The following ECT2 variants were observed in gnomAD, a reference collection of about 807,000 sequenced individuals.
ECT2 encodes protein ECT2.
Under a neutral mutation model 116.9 loss-of-function variants are expected in ECT2, and 61 were observed. The ratio of observed to expected loss-of-function variants is 0.52; its 90% CI spans 0.42 to 0.65. ECT2 has a LOEUF of 0.65. Ranked by LOEUF, ECT2 falls within the 30% of genes least tolerant of loss-of-function variation. The pLI, the probability that ECT2 is intolerant of heterozygous loss-of-function variation, is 0.00. For missense variants in ECT2, 937 were observed against 1,078.7 expected, an observed-to-expected ratio of 0.87 and a Z score of 1.84; for synonymous variants, 358 against 346.4, an observed-to-expected ratio of 1.03 and a Z score of -0.37.
At chr3:172,758,488 C>CACACACACACAG (rs1293496515) in intron 5 of ECT2, among the ~76,000 whole-genome samples, 4 of 151,072 alleles carry the variant, frequency 2.6e-5, no homozygotes, top group African/African-American at 9.7e-5. Context: ...CACACACAGA[C>CACACACACACAG]ACACACACAC....
chr3:172,826,719 A>G, the ECT2 span, among the ~76,000 whole-genome samples: 3 of 152,156 alleles, frequency 2.0e-5, no homozygotes, highest in African/African-American at 7.2e-5. Context: ...CTGCCTCCCA[A>G]CCTTCAGCAA....
chr3:172,755,542 G>T lies in ECT2; in HGVS notation c.270G>T (p.Ser90=), dbSNP rs1218863605. The change falls in exon 4 of 25, where the codon TCG becomes TCT. Residue 90 remains serine (S), a synonymous_variant. Transcript: ENST00000392692. ...TAAAAGAAAGTTGTCCTGGAAAATC[G>T]GATGAAAAATTAATAAAAAGTGTTA... The part of the protein sequence containing the change: ...IKIKESCPGK[S]DEKLIKSVIN... 2 of 1,491,106 alleles carry T rather than the reference G, an allele frequency of 1.3e-6. No homozygotes were observed. The highest frequency in any genetic ancestry group is 2.5e-5 in the East Asian group (1 of 40,504). The allele number at this position is 1,491,106 out of a possible 1,614,324, so 92.4% of individuals were successfully genotyped here.
In ECT2 at chr3:172,760,357, TAAAG is replaced by T. The variant is rs372445614; in HGVS notation, c.684+97_684+100del. ...GTCTTTTATCTATTTCTTTCACAAT[TAAAG>T]AAGAGAAACTCAATTTTTGCTATGA... On this transcript the variant is annotated intron_variant, in intron 7 of 24. Coordinates refer to ENST00000392692, the MANE Select transcript of ECT2 (RefSeq NM_001258315.2). 16,832 of 646,156 alleles carry T rather than the reference TAAAG, an allele frequency of 0.026. 2,273 individuals are homozygous for T. The African/African-American group carries it at 0.29, about 11-fold the overall frequency. 40.0% of individuals were successfully genotyped at this position (646,156 alleles called of 1,614,324 possible).
chr3:172,783,752 G>T (rs540268385), intron 15 of ECT2, 47 bp from the exon 16 acceptor site: 2 of 1,218,702 alleles, frequency 1.6e-6, no homozygotes, highest in African/African-American at 1.5e-5. Flanking sequence ...TGTCTCTAAG[G>T]GTGACAAATG....
chr3:172,788,995 T>G (rs1724116624), intron 18 of ECT2, among the ~76,000 whole-genome samples: 1 of 150,146 alleles, frequency 6.7e-6, no homozygotes, highest in African/African-American at 2.5e-5. Flanking sequence ...GATGTGGAGG[T>G]TGCAGTGAGC....
At chr3:172,778,002 T>C (rs1722044063) in intron 14 of ECT2, among the ~76,000 whole-genome samples, 1 of 152,234 alleles carries the variant, frequency 6.6e-6, no homozygotes, top group Admixed American at 6.5e-5. Context: ...AAAAGAATTG[T>C]GTACTTGTTT....
chr3:172,824,768 A>C (rs768874299), downstream of ECT2, among the ~76,000 whole-genome samples: 2 of 152,106 alleles, frequency 1.3e-5, no homozygotes, highest in African/African-American at 2.4e-5. Flanking sequence ...AGTGGACTCT[A>C]TTTTATTCAC....
chr3:172,817,995 A>G (rs1484902431), intron 24 of ECT2, among the ~76,000 whole-genome samples: 3 of 152,156 alleles, frequency 2.0e-5, no homozygotes, highest in East Asian at 3.8e-4. Context: ...TTAAGTAGTT[A>G]TAAGGATTAA....
intron 14 of ECT2, among the ~76,000 whole-genome samples, chr3:172,779,773 A>G (rs1352786615): frequency 2.0e-5 from 3 of 152,122 alleles, no homozygotes; most frequent in Non-Finnish European, 4.4e-5. Flanking sequence ...GTGGTGGCAC[A>G]TGCCAGTAGT....
intron 12 of ECT2, among the ~76,000 whole-genome samples, chr3:172,764,735 T>C (rs1718998395): frequency 6.6e-6 from 1 of 152,250 alleles, no homozygotes; most frequent in Non-Finnish European, 1.5e-5. Flanking sequence ...GATTTTATTA[T>C]TCCTGTTTTA....
At chr3:172,765,157 A>G (rs941098374) in intron 12 of ECT2, among the ~76,000 whole-genome samples, 1 of 152,210 alleles carries the variant, frequency 6.6e-6, no homozygotes, top group African/African-American at 2.4e-5. Flanking sequence ...TGTCCTTTCA[A>G]CGCATTCCAA....
chr3:172,825,915 G>T (rs1378562451), downstream of ECT2, among the ~76,000 whole-genome samples: 1 of 152,152 alleles, frequency 6.6e-6, no homozygotes, highest in African/African-American at 2.4e-5. Flanking sequence ...TTTTCTTTGA[G>T]ATGGAGTTTC....
chr3:172,773,818 T>C, intron 13 of ECT2, 85 bp from the exon 14 acceptor site: 2 of 1,332,506 alleles, frequency 1.5e-6, no homozygotes, highest in Non-Finnish European at 2.1e-6. Flanking sequence ...TCTATTAATA[T>C]CTTGTGTCTC....
At chr3:172,758,843 T>G (rs1448827841) in intron 5 of ECT2, 137 bp from the exon 6 acceptor site, 1 of 707,216 alleles carries the variant, frequency 1.4e-6, no homozygotes, top group Non-Finnish European at 2.3e-6. Flanking sequence ...TGTTGCATAT[T>G]GAAAAAATGC....
chr3:172,762,848 T>G, intron 10 of ECT2, 42 bp downstream of exon 10: 3 of 1,610,010 alleles, frequency 1.9e-6, no homozygotes, highest in Non-Finnish European at 2.5e-6. Flanking sequence ...AAAACACTAT[T>G]AATAGCTTCT....
chr3:172,762,478 G>A lies in ECT2; in HGVS notation c.821G>A (p.Cys274Tyr). The A allele has an allele frequency of 6.3e-7, 1 of 1,598,164 alleles. No individual in the cohort carries two copies. The highest frequency in any genetic ancestry group is 1.1e-5 in the South Asian group (1 of 88,358). Reference sequence around the variant, plus strand: ...TTTAAAGTTCCTCCATTTCAAGATTGTATTTTAAGTTTCCTGGGATTTTCA... The same window carrying A: ...TTTAAAGTTCCTCCATTTCAAGATTATATTTTAAGTTTCCTGGGATTTTCA... ...NEFKVPPFQD[C>Y]ILSFLGFSDE... The change falls in exon 9 of 25, where the codon TGT becomes TAT. Residue 274 changes from cysteine to tyrosine, a missense_variant. By Grantham distance (194) the Cys-to-Tyr change is radical. Coordinates refer to ENST00000392692, the MANE Select transcript of ECT2 (RefSeq NM_001258315.2).
rs1018943248 is a variant in ECT2 at position 172,802,524 on chromosome 3, A to G, written c.1908-92A>G. The G allele has an allele frequency of 5.4e-6, 4 of 738,924 alleles. No individual in the cohort carries two copies. In the African/African-American group the frequency reaches 5.5e-5, roughly 10 times the overall value. 45.8% of individuals were successfully genotyped at this position (738,924 alleles called of 1,614,324 possible). The stretch of plus-strand genomic sequence containing the variant: ...TAACTGATTCACTTATCAAAATAAG[A>G]CATTCACATCAAACACAACTTGTGA... On this transcript the variant is annotated intron_variant, in intron 18 of 24. Coordinates refer to ENST00000392692, the MANE Select transcript of ECT2 (RefSeq NM_001258315.2).
At position 172,769,017 on chromosome 3, in the gene ECT2, G is replaced by A. The variant is rs760752461; in HGVS notation, c.1302G>A (p.Lys434=). 1.2e-6 allele frequency: 2 copies of A among 1,611,144 alleles called. No homozygotes were observed. Among genetic ancestry groups the A allele is most frequent in the African/African-American group, 2.7e-5 (2 of 74,836 alleles). The change falls in exon 13 of 25, where the codon AAG becomes AAA. Residue 434 remains lysine (K), a synonymous_variant. Coordinates refer to ENST00000392692, the MANE Select transcript of ECT2 (RefSeq NM_001258315.2). ...CTTTTAACGTTTCAGACACCCCAAA[G>A]TCTTGTACTAAGTCTTCTAAAAGCT... The part of the protein sequence containing the change: ...ESSINYGDTP[K]SCTKSSKSST...
intron 12 of ECT2, among the ~76,000 whole-genome samples, chr3:172,765,195 A>G (rs1719109321): frequency 6.6e-6 from 1 of 152,160 alleles, no homozygotes; most frequent in South Asian, 2.1e-4. Flanking sequence ...TTGGGGAGAC[A>G]GTTTTTATGC....
Sources: gnomAD v4.1 joint callset for allele counts (sites outside exome capture counted in the v4.1 genomes callset) on GRCh38, gnomAD v4.1.1 for gene constraint, MANE v1.5 for transcripts, NCBI Gene and HGNC (gene_info 2026-07-23, HGNC 2026-07-21) for gene names.